Variants in DNAJB12 observed in about 807,000 individuals in gnomAD.
DNAJB12 encodes DnaJ heat shock protein family (Hsp40) member B12.
DNAJB12 carries 14 observed loss-of-function variants against 40.6 expected under a neutral mutation model. The observed-to-expected ratio is 0.34, with a 90% CI of 0.23 to 0.54. The LOEUF (loss-of-function observed/expected upper bound fraction) is 0.54, where lower values mean the gene tolerates loss of function less well. Ranked by LOEUF, DNAJB12 falls within the 20% of genes least tolerant of loss-of-function variation. The pLI is 0.92. For synonymous variants in DNAJB12, 181 were observed against 199.5 expected (o/e 0.91, Z 0.78); for missense variants, 444 against 501.7 (o/e 0.89, Z 1.10).
intron 1 of DNAJB12, chr10:72,354,475 C>T (rs1046484816): frequency 9.6e-6 from 4 of 416,998 alleles, no homozygotes; most frequent in African/African-American, 8.1e-5. Context: ...GGTAAGTTCC[C>T]TTCGTCCCGG....
At position 72,345,061 on chromosome 10, in the gene DNAJB12, G is replaced by T. The variant is rs1861747592; in HGVS notation, c.200C>A (p.Thr67Asn). ...AGDQPPPTDT[T>N]HATHRKAGGT... Reference sequence around the variant, plus strand: ...ACCTGCTTTCCTGTGGGTGGCATGGGTTGTGTCTGTGGGTGGGGGTTGGTC... The same window carrying T: ...ACCTGCTTTCCTGTGGGTGGCATGGTTTGTGTCTGTGGGTGGGGGTTGGTC... The change falls in exon 2 of 9, where the codon ACC becomes AAC. Residue 67 changes from threonine to asparagine, a missense_variant. Thr to Asn is a moderately conservative substitution (Grantham distance 65). Transcript: ENST00000444643. The T allele has an allele frequency of 6.2e-7, 1 of 1,614,110 alleles. No homozygotes were observed. The highest frequency in any genetic ancestry group is 1.7e-5 in the Admixed American group (1 of 60,012).
rs1331834322 is a variant in DNAJB12, at chr10:72,354,670, A to ACCCCTC, written c.133+89_133+94dup. On this transcript the variant is annotated intron_variant, in intron 1 of 8. Transcript: ENST00000444643. ...TGCGCAGGCGTAGCCGCGCCTCGCC[A>ACCCCTC]CCCCTCCCCCTCCCCCAACTGCTCC... The ACCCCTC allele has an allele frequency of 5.2e-6, 6 of 1,153,474 alleles. No individual in the cohort carries two copies. In the African/African-American group the frequency reaches 7.9e-5, roughly 15 times the overall value. The allele number at this position is 1,153,474 out of a possible 1,614,324, so 71.5% of individuals were successfully genotyped here. A position where few individuals can be genotyped will look rare whatever the true frequency, so the allele number is the denominator to read the frequency against.
intron 5 of DNAJB12, among the ~76,000 whole-genome samples, chr10:72,339,556 T>A (rs1223673685): frequency 1.3e-5 from 2 of 151,284 alleles, no homozygotes; most frequent in Non-Finnish European, 2.9e-5. Flanking sequence ...AAAAAAAAAA[T>A]TGAATAAATA....
intron 7 of DNAJB12, among the ~76,000 whole-genome samples, chr10:72,336,204 C>G (rs1238313540): frequency 1.3e-5 from 2 of 152,192 alleles, no homozygotes; most frequent in Non-Finnish European, 2.9e-5. Context: ...ACAGACAGAT[C>G]CAGGAGCACA....
chr10:72,341,016 G>A lies in DNAJB12; in HGVS notation c.612C>T (p.Phe204=), dbSNP rs369942027. 84 of 1,613,910 alleles carry A rather than the reference G, an allele frequency of 5.2e-5. No individual in the cohort carries two copies. The highest frequency in any genetic ancestry group is 6.9e-5 in the Non-Finnish European group (82 of 1,179,946). ...FEADISPEDL[F]NMFFGGGFPS... Reference sequence around the variant, plus strand: ...GGAAGCCGCCGCCAAAGAACATGTTGAAGAGGTCTTCAGGGGAGATGTCGG... The same window carrying A: ...GGAAGCCGCCGCCAAAGAACATGTTAAAGAGGTCTTCAGGGGAGATGTCGG... Residue 204 remains phenylalanine (F), a synonymous_variant, in exon 4 of 9, where the codon TTC becomes TTT. Transcript: ENST00000444643.
At position 72,335,930 on chromosome 10, in the gene DNAJB12, C is replaced by T. The variant is rs1453950165; in HGVS notation, c.1008G>A (p.Lys336=). The change falls in exon 8 of 9, where the codon AAG becomes AAA. Residue 336 remains lysine, a splice_region_variant and synonymous_variant. Transcript: ENST00000444643. This position sits in a 1 kb window ranked among gnomAD's most constrained non-coding sequence, Gnocchi z 4.4. ...AGCGTGCCCGGTACAGCAAGCCTTC[C>T]TCTGCAAAGCAATGGGACAGGGTTA... ...RNNCWKEKQQ[K]EGLLYRARYF... 1.8e-5 allele frequency: 29 copies of T among 1,614,084 alleles called. No individual in the cohort carries two copies. Among genetic ancestry groups the T allele is most frequent in the Non-Finnish European group, 2.5e-5 (29 of 1,179,940 alleles).
intron 6 of DNAJB12, chr10:72,336,918 TC>T (rs1242053291): frequency 4.4e-6 from 2 of 452,400 alleles, no homozygotes; most frequent in Non-Finnish European, 8.0e-6. Flanking sequence ...TGCCTTTAGA[TC>T]CCTGCTTACC....
intron 1 of DNAJB12, 27 bp downstream of exon 1, chr10:72,354,738 C>G: frequency 6.3e-7 from 1 of 1,589,758 alleles, no homozygotes; most frequent in Non-Finnish European, 8.6e-7. Context: ...TCTAATGTCC[C>G]CAGTCTCTCC....
Position 72,334,430 on chromosome 10 carries a change from C to A in DNAJB12, c.*218G>T, listed in dbSNP as rs761980407. The A allele has an allele frequency of 3.7e-5, 33 of 897,266 alleles. No individual in the cohort carries two copies. The highest frequency in any genetic ancestry group is 1.3e-4 in the Admixed American group (6 of 46,012). 55.6% of individuals were successfully genotyped at this position (897,266 alleles called of 1,614,324 possible). ...CCAGCCCTGCGAGGGAGGGAAGCAG[C>A]CCCATGGCAGGTTTTCTGTCTGTCC... On this transcript the variant is annotated 3_prime_UTR_variant, in exon 9 of 9. Coordinates refer to ENST00000444643, the MANE Select transcript of DNAJB12 (RefSeq NM_017626.7).
chr10:72,336,604 C>A lies in DNAJB12; in HGVS notation c.926G>T (p.Ser309Ile). 2.5e-6 allele frequency: 4 copies of A among 1,614,174 alleles called. No individual in the cohort carries two copies. Among genetic ancestry groups the A allele is most frequent in the Non-Finnish European group, 3.4e-6 (4 of 1,180,012 alleles). The change falls in exon 7 of 9, where the codon AGC becomes ATC. Residue 309 changes from serine (S) to isoleucine (I), a missense_variant. Coordinates refer to ENST00000444643, the MANE Select transcript of DNAJB12 (RefSeq NM_017626.7). Reference sequence around the variant, plus strand: ...CACATTCCGCTCGACTGTTTTGAGGCTGGAGCCTGTGTACTCTTCGGAGAA... The same window carrying A: ...CACATTCCGCTCGACTGTTTTGAGGATGGAGCCTGTGTACTCTTCGGAGAA... ...DTFSEEYTGSSLKTVERNVED... is the reference protein window; with the variant it reads ...DTFSEEYTGSILKTVERNVED...
chr10:72,334,719 C>A (rs141378115), intron 8 of DNAJB12, 102 bp from the exon 9 acceptor site: 13 of 1,419,130 alleles, frequency 9.2e-6, no homozygotes, highest in African/African-American at 6.0e-5. Context: ...ACCGCTGCAC[C>A]GTGCTGCCCG....
At position 72,335,845 on chromosome 10, in the gene DNAJB12, G is replaced by A. The variant is rs1445503979; in HGVS notation, c.1093C>T (p.Arg365Ter). ...AQKMGTPSCS[R>*]LSEVQASLHG ...AGGGAGGCCTGCACCTCTGACAGTC[G>A]GCTGCAGCTGGGGGTGCCCATCTTC... Residue 365 changes from arginine to a stop codon, truncating the protein, a stop_gained, in exon 8 of 9, where the codon CGA becomes TGA. Coordinates refer to ENST00000444643, the MANE Select transcript of DNAJB12 (RefSeq NM_017626.7). LOFTEE classifies it high-confidence loss of function. The surrounding 1 kb of genome is among the most constrained non-coding windows in gnomAD (Gnocchi z 4.4). The A allele has an allele frequency of 8.1e-6, 13 of 1,614,166 alleles. No homozygotes were observed. Among genetic ancestry groups the A allele is most frequent in the Admixed American group, 1.7e-5 (1 of 60,024 alleles).
chr10:72,338,092 G>T, intron 6 of DNAJB12, 110 bp downstream of exon 6: 2 of 883,798 alleles, frequency 2.3e-6, no homozygotes, highest in African/African-American at 1.7e-5. Context: ...CCAGGTTTCT[G>T]CATTATGATC....
chr10:72,340,617 T>C (rs1418125543), intron 5 of DNAJB12, among the ~76,000 whole-genome samples, 172 bp downstream of exon 5: 1 of 152,078 alleles, frequency 6.6e-6, no homozygotes, highest in Admixed American at 6.5e-5. Flanking sequence ...CGCCCTCTGG[T>C]GTCACTCAGC....
chr10:72,335,985 A>G lies in DNAJB12; in HGVS notation c.1007-54T>C. On this transcript the variant is annotated intron_variant, in intron 7 of 8. Coordinates refer to ENST00000444643, the MANE Select transcript of DNAJB12 (RefSeq NM_017626.7). This position sits in a 1 kb window ranked among gnomAD's most constrained non-coding sequence, Gnocchi z 4.4. ...ACACCCAGTACCTCCCGAAGCCTGC[A>G]AGGAAGCCTGCGAGGGCTGTGGAGG... is the stretch of plus-strand genomic sequence containing the variant. 1 of 1,604,050 alleles carries G rather than the reference A, an allele frequency of 6.2e-7. No homozygotes were observed. The highest frequency in any genetic ancestry group is 8.5e-7 in the Non-Finnish European group (1 of 1,173,106).
intron 1 of DNAJB12, among the ~76,000 whole-genome samples, chr10:72,346,205 C>A (rs1173121467): frequency 6.6e-6 from 1 of 152,068 alleles, no homozygotes; most frequent in Non-Finnish European, 1.5e-5. Flanking sequence ...ACTCTGTTGC[C>A]CAGGCTGGAG....
At position 72,341,099 on chromosome 10, in the gene DNAJB12, T is replaced by G. The variant is rs1249811258; in HGVS notation, c.529A>C (p.Lys177Gln). ...RKQYDQFGDD[K>Q]SQAARHGHGH... ...TGGCCGTGCCGGGCCGCCTGGCTCTTGTCATCGCCGAACTGGTCATACTGC... is the reference window on the plus strand; with the variant it reads ...TGGCCGTGCCGGGCCGCCTGGCTCTGGTCATCGCCGAACTGGTCATACTGC... Residue 177 changes from lysine (K) to glutamine (Q), a missense_variant, in exon 4 of 9, where the codon AAG becomes CAG. By Grantham distance (53) the Lys-to-Gln change is moderately conservative. Coordinates refer to ENST00000444643, the MANE Select transcript of DNAJB12 (RefSeq NM_017626.7). The G allele has an allele frequency of 5.6e-6, 9 of 1,614,046 alleles. No individual in the cohort carries two copies. Among genetic ancestry groups the G allele is most frequent in the Non-Finnish European group, 7.6e-6 (9 of 1,180,044 alleles).
chr10:72,354,445 G>A (rs1196713973), intron 1 of DNAJB12: 1 of 328,740 alleles, frequency 3.0e-6, no homozygotes, highest in African/African-American at 2.1e-5. Flanking sequence ...CTTGGGAAAA[G>A]TAGTTCGAGT....
intron 7 of DNAJB12, among the ~76,000 whole-genome samples, chr10:72,336,318 G>A (rs1278589164): frequency 1.3e-5 from 2 of 152,232 alleles, no homozygotes; most frequent in African/African-American, 4.8e-5. Context: ...GGAACCTGAG[G>A]AAACTACCAG....
Sources: gnomAD v4.1 joint callset for allele counts (sites outside exome capture counted in the v4.1 genomes callset) on GRCh38, gnomAD v4.1.1 for gene constraint, Gnocchi (gnomAD v3.1) non-coding constraint, MANE v1.5 for transcripts, NCBI Gene and HGNC (gene_info 2026-07-23, HGNC 2026-07-21) for gene names.